NR3C2: variants seen among roughly 807,000 people sequenced by gnomAD.
The protein encoded by NR3C2 is mineralocorticoid receptor.
In NR3C2, 15 loss-of-function variants were observed where a neutral mutation model predicts 86.4. The ratio of observed to expected loss-of-function variants is 0.17; its 90% CI spans 0.12 to 0.27. The LOEUF is 0.27. Ranked by LOEUF, NR3C2 falls within the 10% of genes least tolerant of loss-of-function variation. The pLI is 1.00. For missense variants in NR3C2, 960 were observed against 1,195.6 expected (o/e 0.80, Z 2.91); for synonymous variants, 458 against 450.5 (o/e 1.02, Z -0.21).
intron 2 of NR3C2, among the ~76,000 whole-genome samples, chr4:148,414,440 T>C (rs1424652656): frequency 6.6e-6 from 1 of 152,176 alleles, no homozygotes; most frequent in African/African-American, 2.4e-5. Flanking sequence ...ATAATTTTGC[T>C]TTTGTTAATT....
chr4:148,279,861 G>A (rs1741148627), intron 2 of NR3C2, among the ~76,000 whole-genome samples: 1 of 152,088 alleles, frequency 6.6e-6, no homozygotes, highest in Non-Finnish European at 1.5e-5. Context: ...GAGTAGCTGG[G>A]ATTACAGGCG....
chr4:148,209,745 G>A (rs115363962), intron 3 of NR3C2, among the ~76,000 whole-genome samples: 1,758 of 152,254 alleles, frequency 0.012, 14 homozygotes, highest in Non-Finnish European at 0.019. Context: ...GGGCTAGGAC[G>A]GTTGCTTCTC....
intron 3 of NR3C2, among the ~76,000 whole-genome samples, chr4:148,210,609 GA>G (rs1257764690): frequency 6.6e-6 from 1 of 152,078 alleles, no homozygotes; most frequent in Non-Finnish European, 1.5e-5. Context: ...TCCCAAAGGG[GA>G]AAAAAACCTG....
At chr4:148,178,705 C>T (rs1388409168) in intron 4 of NR3C2, among the ~76,000 whole-genome samples, 1 of 151,448 alleles carries the variant, frequency 6.6e-6, no homozygotes, top group Non-Finnish European at 1.5e-5. Flanking sequence ...CAGACATTGT[C>T]TATATTCTCT....
In NR3C2 at chr4:148,353,290, T is replaced by C. The variant is rs531214983; in HGVS notation, c.1757+81814A>G. 2.2e-4 allele frequency among the ~76,000 whole-genome samples: 34 copies of C among 152,230 alleles called. No individual in the cohort carries two copies. In the South Asian group the frequency reaches 6.2e-3, roughly 28 times the overall value. On this transcript the variant is annotated intron_variant, in intron 2 of 8. Coordinates refer to ENST00000358102, the MANE Select transcript of NR3C2 (RefSeq NM_000901.5). The stretch of plus-strand genomic sequence containing the variant: ...TAAAATAATACACTTGAAGCACCAA[T>C]ATATTTTCATTATACAAATTCATTT...
intron 8 of NR3C2, among the ~76,000 whole-genome samples, chr4:148,089,509 C>T (rs143160421): frequency 9.8e-5 from 15 of 152,316 alleles, no homozygotes; most frequent in Admixed American, 2.6e-4. Flanking sequence ...GGAGCAAGAG[C>T]GCTTTGATTC....
Position 148,136,077 on chromosome 4 carries a change from CAAAAA to C in NR3C2, c.2511-15794_2511-15790del, listed in dbSNP as rs1213471911. ...GTCTCAAAAAAAAAAAAAAAAAAAA[CAAAAA>C]AAAAAAACACCACCAAAACCAACAA... On this transcript the variant is annotated intron_variant, in intron 6 of 8. Transcript: ENST00000358102. 1.4e-3 allele frequency among the ~76,000 whole-genome samples: 40 copies of C among 28,928 alleles called. 5 individuals carry two copies. The highest frequency in any genetic ancestry group is 3.2e-3 in the African/African-American group (39 of 12,126). 19.0% of individuals were successfully genotyped at this position (28,928 alleles called of 152,430 possible). A position where few individuals can be genotyped will look rare whatever the true frequency, so the allele number is the denominator to read the frequency against.
intron 3 of NR3C2, among the ~76,000 whole-genome samples, chr4:148,204,134 G>A (rs890852538): frequency 1.3e-5 from 2 of 151,944 alleles, no homozygotes; most frequent in African/African-American, 4.8e-5. Flanking sequence ...GAATTTTTAT[G>A]TATATTTTAG....
At chr4:148,338,811 G>C (rs1366002514) in intron 2 of NR3C2, among the ~76,000 whole-genome samples, 1 of 152,088 alleles carries the variant, frequency 6.6e-6, no homozygotes, top group Non-Finnish European at 1.5e-5. Context: ...CTAAAAGTTA[G>C]GAATTAATTT....
chr4:148,262,640 G>T (rs767146896), intron 2 of NR3C2, among the ~76,000 whole-genome samples: 3 of 152,088 alleles, frequency 2.0e-5, no homozygotes, highest in Non-Finnish European at 4.4e-5. Context: ...CATTATTTGG[G>T]ATTAGGGTTG....
At chr4:148,430,199 G>A (rs2126637271) in intron 2 of NR3C2, among the ~76,000 whole-genome samples, 1 of 152,220 alleles carries the variant, frequency 6.6e-6, no homozygotes, top group East Asian at 1.9e-4. Flanking sequence ...TATGTCACCG[G>A]TATGAAAATT....
At chr4:148,398,384 G>A (rs1747966231) in intron 2 of NR3C2, among the ~76,000 whole-genome samples, 1 of 152,130 alleles carries the variant, frequency 6.6e-6, no homozygotes, top group Non-Finnish European at 1.5e-5. Context: ...GAAATTGAGG[G>A]CAGTACATTC....
rs560082685 is a variant in NR3C2, at chr4:148,137,438, T to C, written c.2510+15031A>G. Among the ~76,000 whole-genome samples the C allele has an allele frequency of 7.2e-5, 11 of 152,264 alleles. No individual in the cohort carries two copies. The South Asian group carries it at 2.3e-3, about 32-fold the overall frequency. On this transcript the variant is annotated intron_variant, in intron 6 of 8. Transcript: ENST00000358102. ...ATTGGTCTGTAAATAAGATGATTCA[T>C]ACAAAAGCATCAAGCAGAGTAAATG...
At position 148,147,243 on chromosome 4, in the gene NR3C2, C is replaced by T. The variant is rs572194541; in HGVS notation, c.2510+5226G>A. Among the ~76,000 whole-genome samples the T allele has an allele frequency of 2.4e-4, 37 of 152,246 alleles. No homozygotes were observed. The East Asian group carries it at 5.2e-3, about 21-fold the overall frequency. ...CCTCCATCTCCAGTGATGCTAATAC[C>T]GAAGAATAAGATCTTTGGGAACTTT... On this transcript the variant is annotated intron_variant, in intron 6 of 8. Coordinates refer to ENST00000358102, the MANE Select transcript of NR3C2 (RefSeq NM_000901.5).
intron 2 of NR3C2, among the ~76,000 whole-genome samples, chr4:148,322,359 G>T (rs1001351747): frequency 1.4e-4 from 19 of 140,512 alleles, no homozygotes; most frequent in Admixed American, 2.2e-4. Flanking sequence ...CATGTGTCTT[G>T]GAGTTGCTCT....
intron 2 of NR3C2, among the ~76,000 whole-genome samples, chr4:148,266,942 TG>T (rs1346061968): frequency 6.6e-6 from 1 of 152,142 alleles, no homozygotes; most frequent in African/African-American, 2.4e-5. Context: ...ATATCTAAGA[TG>T]GGGGGAAGAG....
At position 148,079,779 on chromosome 4, in the gene NR3C2, C is replaced by T. The variant is rs1730456641; in HGVS notation, c.*1565G>A. 6.6e-6 allele frequency: 1 copy of T among 152,522 alleles called. No individual in the cohort carries two copies. 9.4% of individuals were successfully genotyped at this position (152,522 alleles called of 1,614,324 possible). A position where few individuals can be genotyped will look rare whatever the true frequency, so the allele number is the denominator to read the frequency against. ...TATAAAACTTATTTTTAAAACCTAC[C>T]TTTTAAAAATCTAAAACCCCTCTAT... On this transcript the variant is annotated 3_prime_UTR_variant, in exon 9 of 9. Coordinates refer to ENST00000358102, the MANE Select transcript of NR3C2 (RefSeq NM_000901.5).
chr4:148,373,751 T>C (rs1579220807), intron 2 of NR3C2, among the ~76,000 whole-genome samples: 2 of 152,144 alleles, frequency 1.3e-5, no homozygotes, highest in Admixed American at 1.3e-4. Context: ...GTGTTGGGAT[T>C]ATAGGCATGA....
Position 148,300,061 on chromosome 4 carries a change from C to A in NR3C2, c.1758-39944G>T, listed in dbSNP as rs751278133. ...AAGAGGGGTAATTTAGGATGGGATG[C>A]GGGCCCAGGACTCTACAGGCCCACT... On this transcript the variant is annotated intron_variant, in intron 2 of 8. Coordinates refer to ENST00000358102, the MANE Select transcript of NR3C2 (RefSeq NM_000901.5). Among the ~76,000 whole-genome samples, 5 of 152,262 alleles carry A rather than the reference C, an allele frequency of 3.3e-5. No homozygotes were observed. In the South Asian group the frequency reaches 8.3e-4, roughly 25 times the overall value.
Sources: gnomAD v4.1 joint callset for allele counts (sites outside exome capture counted in the v4.1 genomes callset) on GRCh38, gnomAD v4.1.1 for gene constraint, MANE v1.5 for transcripts, NCBI Gene and HGNC (gene_info 2026-07-23, HGNC 2026-07-21) for gene names.